CPPED1: variants seen among roughly 807,000 people sequenced by gnomAD.
CPPED1 encodes calcineurin like phosphoesterase domain containing 1.
In CPPED1, 28 loss-of-function variants were observed where a neutral mutation model predicts 28.0. The ratio of observed to expected loss-of-function variants is 1.00; its 90% CI spans 0.74 to 1.37. The LOEUF (loss-of-function observed/expected upper bound fraction) is 1.37, where lower values mean the gene tolerates loss of function less well. Among genes scored for constraint, CPPED1 ranks in the 40% most tolerant of loss-of-function variants. The pLI is 0.00. For synonymous variants in CPPED1, 198 were observed against 180.2 expected, an observed-to-expected ratio of 1.10 and a Z score of -0.79; for missense variants, 504 against 416.5, an observed-to-expected ratio of 1.21 and a Z score of -1.83.
rs191214099 is a variant in CPPED1, at chr16:12,787,499, G to A, written c.71-6096C>T. ...CAGCTCACTGCAACCTCTGCGTCTC[G>A]GTTCAAGTGATTCTCCCACCTTAGC... On this transcript the variant is annotated intron_variant, in intron 1 of 3. Transcript: ENST00000381774. 1.9e-3 allele frequency among the ~76,000 whole-genome samples: 284 copies of A among 150,520 alleles called. 3 individuals carry two copies. The highest frequency in any genetic ancestry group is 5.4e-3 in the African/African-American group (222 of 40,840).
intron 1 of CPPED1, among the ~76,000 whole-genome samples, chr16:12,797,980 G>T (rs533440499): frequency 6.6e-6 from 1 of 152,168 alleles, no homozygotes; most frequent in Non-Finnish European, 1.5e-5. Context: ...CTACTCAGGA[G>T]GCTGAGGTGG....
chr16:12,695,892 T>C (rs903437383), intron 3 of CPPED1, among the ~76,000 whole-genome samples: 1 of 152,232 alleles, frequency 6.6e-6, no homozygotes, highest in Non-Finnish European at 1.5e-5. Flanking sequence ...GAACTTTAAT[T>C]TGTCTAAGGT....
chr16:12,746,234 G>T (rs138369582), intron 2 of CPPED1, among the ~76,000 whole-genome samples: 343 of 152,230 alleles, frequency 2.3e-3, no homozygotes, highest in African/African-American at 7.8e-3. Context: ...AATGACCTGG[G>T]TGTGGTGGCA....
intron 2 of CPPED1, among the ~76,000 whole-genome samples, chr16:12,705,530 C>A (rs551395062): frequency 2.6e-5 from 4 of 152,046 alleles, no homozygotes; most frequent in African/African-American, 7.2e-5. Flanking sequence ...GGCCGAGGCA[C>A]GTGGATCACC....
chr16:12,758,061 A>G (rs1023084437), intron 2 of CPPED1, among the ~76,000 whole-genome samples: 4 of 152,034 alleles, frequency 2.6e-5, no homozygotes, highest in African/African-American at 9.7e-5. Context: ...AAGAGAAAAC[A>G]AAGCCCCTTT....
chr16:12,799,932 T>C (rs1423383474), intron 1 of CPPED1, among the ~76,000 whole-genome samples: 5 of 152,146 alleles, frequency 3.3e-5, no homozygotes, highest in African/African-American at 4.8e-5. Flanking sequence ...TCTCCTCCTA[T>C]CAGCAGGGTA....
chr16:12,702,294 G>A (rs1420904631), intron 3 of CPPED1, among the ~76,000 whole-genome samples: 6 of 151,882 alleles, frequency 4.0e-5, no homozygotes, highest in Non-Finnish European at 8.8e-5. Flanking sequence ...TAAACTCTTC[G>A]GGGGGCCAAG....
chr16:12,748,048 C>A (rs1425073564), intron 2 of CPPED1, among the ~76,000 whole-genome samples: 1 of 152,152 alleles, frequency 6.6e-6, no homozygotes, highest in East Asian at 1.9e-4. Context: ...CACATTTCTG[C>A]TATGCGTATA....
chr16:12,705,334 A>G (rs2080044260), intron 2 of CPPED1, among the ~76,000 whole-genome samples: 1 of 152,188 alleles, frequency 6.6e-6, no homozygotes, highest in Non-Finnish European at 1.5e-5. Context: ...GAGATTAAAT[A>G]TTAGTGGACT....
At chr16:12,771,679 G>A (rs79571698) in intron 2 of CPPED1, among the ~76,000 whole-genome samples, 286 of 152,354 alleles carry the variant, frequency 1.9e-3, no homozygotes, top group African/African-American at 6.1e-3. Flanking sequence ...TGTCTGCCCA[G>A]CTGGAGGAAA....
Position 12,781,371 on chromosome 16 carries a change from A to G in CPPED1, c.103T>C (p.Phe35Leu). 3 of 1,614,192 alleles carry G rather than the reference A, an allele frequency of 1.9e-6. No homozygotes were observed. The highest frequency in any genetic ancestry group is 2.5e-6 in the Non-Finnish European group (3 of 1,180,044). ...AACTGTGGGTCTGCGCCCAGGATGAAGTAGAATGGGCCTTTCCATTCGCTT... is the reference window on the plus strand; with the variant it reads ...AACTGTGGGTCTGCGCCCAGGATGAGGTAGAATGGGCCTTTCCATTCGCTT... ...KESEWKGPFY[F>L]ILGADPQFGL... is the part of the protein sequence containing the mutation. Residue 35 changes from phenylalanine (F) to leucine (L), a missense_variant, in exon 2 of 4, where the codon TTC becomes CTC. By Grantham distance (22) the Phe-to-Leu change is conservative. Transcript: ENST00000381774.
At chr16:12,734,077 T>G (rs938509725) in intron 2 of CPPED1, among the ~76,000 whole-genome samples, 4 of 132,088 alleles carry the variant, frequency 3.0e-5, no homozygotes, top group Non-Finnish European at 6.6e-5. Flanking sequence ...TTTTTTTTTT[T>G]TTTTTTTTTT....
intron 2 of CPPED1, among the ~76,000 whole-genome samples, chr16:12,738,182 C>T (rs147378295): frequency 1.5e-4 from 23 of 152,186 alleles, no homozygotes; most frequent in African/African-American, 4.6e-4. Flanking sequence ...AAGGACATTA[C>T]GCAGCCGTTC....
intron 2 of CPPED1, among the ~76,000 whole-genome samples, chr16:12,776,268 T>C (rs1487611122): frequency 1.3e-5 from 2 of 152,164 alleles, no homozygotes; most frequent in Admixed American, 6.5e-5. Flanking sequence ...CTGGAACCCC[T>C]AGAAGGAACA....
intron 2 of CPPED1, among the ~76,000 whole-genome samples, chr16:12,749,576 C>T (rs191980188): frequency 6.6e-6 from 1 of 152,146 alleles, no homozygotes; most frequent in Admixed American, 6.5e-5. Flanking sequence ...AACCTCCTCC[C>T]ACGAATCACA....
rs200269451 is a variant in CPPED1, at chr16:12,752,179, TA to T, written c.289+29005del. Among the ~76,000 whole-genome samples, 908 of 152,290 alleles carry T rather than the reference TA, an allele frequency of 6.0e-3. 10 individuals carry two copies. Among genetic ancestry groups the T allele is most frequent in the African/African-American group, 0.021 (879 of 41,562 alleles). Reference sequence around the variant, plus strand: ...CAGAGGTTAAAGTGCTGTTTGAATATAAAAAGGCTCCTGCTTTCTTTAAGAA... The same window carrying T: ...CAGAGGTTAAAGTGCTGTTTGAATATAAAAGGCTCCTGCTTTCTTTAAGAA... On this transcript the variant is annotated intron_variant, in intron 2 of 3. Transcript: ENST00000381774.
At chr16:12,719,937 A>G (rs2080129886) in intron 2 of CPPED1, among the ~76,000 whole-genome samples, 1 of 152,116 alleles carries the variant, frequency 6.6e-6, no homozygotes, top group African/African-American at 2.4e-5. Flanking sequence ...ACTCCATCAC[A>G]GAAAAAAAAA....
chr16:12,667,565 G>A (rs938821257), intron 3 of CPPED1, among the ~76,000 whole-genome samples: 1 of 152,150 alleles, frequency 6.6e-6, no homozygotes, highest in African/African-American at 2.4e-5. Flanking sequence ...ATCAGCCTGG[G>A]CAATGTAGCA....
At chr16:12,701,351 T>A (rs1188056813) in intron 3 of CPPED1, among the ~76,000 whole-genome samples, 3 of 151,714 alleles carry the variant, frequency 2.0e-5, no homozygotes. Context: ...CTGGCCAACA[T>A]GGTGAAACCC....
Sources: gnomAD v4.1 joint callset for allele counts (sites outside exome capture counted in the v4.1 genomes callset) on GRCh38, gnomAD v4.1.1 for gene constraint, MANE v1.5 for transcripts, NCBI Gene and HGNC (gene_info 2026-07-23, HGNC 2026-07-21) for gene names.